Variants in GAS6 observed in about 807,000 individuals in gnomAD.
GAS6 encodes growth arrest-specific protein 6.
A neutral mutation model predicts 75.8 loss-of-function variants in GAS6; 41 were observed. That is an observed-to-expected ratio of 0.54 (90% CI 0.42 to 0.70). The LOEUF (loss-of-function observed/expected upper bound fraction) is 0.70. Among genes scored for constraint, GAS6 ranks in the 30% least tolerant of loss-of-function variants. The pLI, the probability that GAS6 is intolerant of heterozygous loss-of-function variation, is 0.00. For synonymous variants in GAS6, 432 were observed against 412.6 expected, an observed-to-expected ratio of 1.05 and a Z score of -0.57; for missense variants, 854 against 940.2, an observed-to-expected ratio of 0.91 and a Z score of 1.20.
rs144348019 is a variant in GAS6 at position 113,839,549 on chromosome 13, G to A, written c.466+179C>T. ...TCCTTCCAGCCCTGCTCCCAGAAAG[G>A]AGACTGCAGCTCCTCCCAATTCTCC... On this transcript the variant is annotated intron_variant, in intron 5 of 14. Transcript: ENST00000327773. 128 of 711,856 alleles carry A rather than the reference G, an allele frequency of 1.8e-4. No individual in the cohort carries two copies. The East Asian group carries it at 3.6e-3, about 20-fold the overall frequency. 44.1% of individuals were successfully genotyped at this position (711,856 alleles called of 1,614,324 possible).
chr13:113,851,580 G>T (rs141412669), intron 2 of GAS6, among the ~76,000 whole-genome samples: 268 of 150,616 alleles, frequency 1.8e-3, no homozygotes, highest in Middle Eastern at 3.4e-3. Context: ...TGGGTGAATG[G>T]GTGACTGGAT....
At chr13:113,861,566 T>G (rs550747799) in intron 2 of GAS6, among the ~76,000 whole-genome samples, 1 of 152,182 alleles carries the variant, frequency 6.6e-6, no homozygotes, top group South Asian at 2.1e-4. Context: ...TAGCAGGAAG[T>G]TGTGCTTGGA....
intron 2 of GAS6, among the ~76,000 whole-genome samples, chr13:113,852,040 A>G (rs566798318): frequency 6.6e-6 from 1 of 152,378 alleles, no homozygotes; most frequent in South Asian, 2.1e-4. Flanking sequence ...CCTCCTGGTC[A>G]GTGCAGGGCC....
chr13:113,846,724 C>T lies in GAS6; in HGVS notation c.281-135G>A, dbSNP rs59048860. 6,767 of 703,294 alleles carry T rather than the reference C, an allele frequency of 9.6e-3. 347 individuals carry two copies. The African/African-American group carries it at 0.11, about 11-fold the overall frequency. The allele number at this position is 703,294 out of a possible 1,614,324, so 43.6% of individuals were successfully genotyped here. The stretch of plus-strand genomic sequence containing the variant: ...TGCTATCATCCTCCAGAAACAATGC[C>T]GCTTAGCTTGTGTTAATAAAAAACA... On this transcript the variant is annotated intron_variant, in intron 3 of 14. Coordinates refer to ENST00000327773, the MANE Select transcript of GAS6 (RefSeq NM_000820.4).
At chr13:113,861,745 C>T (rs1056192906) in intron 2 of GAS6, among the ~76,000 whole-genome samples, 2 of 152,118 alleles carry the variant, frequency 1.3e-5, no homozygotes, top group Non-Finnish European at 2.9e-5. Flanking sequence ...ATCCACCTGC[C>T]GGCAGGAACC....
intron 4 of GAS6, among the ~76,000 whole-genome samples, 175 bp downstream of exon 4, chr13:113,846,352 C>T (rs2051833635): frequency 6.6e-6 from 1 of 152,214 alleles, no homozygotes; most frequent in Non-Finnish European, 1.5e-5. Context: ...TTGCTAAAAA[C>T]GTCAAAATTT....
intron 14 of GAS6, 134 bp from the exon 15 acceptor site, chr13:113,821,152 A>C: frequency 5.6e-6 from 5 of 894,666 alleles, no homozygotes; most frequent in African/African-American, 1.7e-5. Context: ...TTCTTCTCTA[A>C]CTTCTCGGTC....
intron 12 of GAS6, among the ~76,000 whole-genome samples, 172 bp from the exon 13 acceptor site, chr13:113,823,722 A>G (rs2051492487): frequency 6.6e-6 from 1 of 152,150 alleles, no homozygotes; most frequent in African/African-American, 2.4e-5. Context: ...CTTGGCCCGG[A>G]GCCCAGAGGC....
intron 2 of GAS6, among the ~76,000 whole-genome samples, chr13:113,857,655 C>T (rs892090273): frequency 6.6e-6 from 1 of 152,236 alleles, no homozygotes; most frequent in Non-Finnish European, 1.5e-5. Context: ...GCAAGCTTAA[C>T]GCCCCTTTAC....
At chr13:113,855,230 C>T (rs970774095) in intron 2 of GAS6, among the ~76,000 whole-genome samples, 1 of 152,210 alleles carries the variant, frequency 6.6e-6, no homozygotes, top group African/African-American at 2.4e-5. Flanking sequence ...GCCTTGGACC[C>T]AAGTTCACCT....
At position 113,839,851 on chromosome 13, in the gene GAS6, C is replaced by T. The variant is rs1276141086; in HGVS notation, c.344-1G>A. 3.7e-6 allele frequency: 6 copies of T among 1,613,616 alleles called. No individual in the cohort carries two copies. The highest frequency in any genetic ancestry group is 5.1e-6 in the Non-Finnish European group (6 of 1,179,934). On this transcript the variant is annotated splice_acceptor_variant, in intron 4 of 14. Transcript: ENST00000327773. LOFTEE classifies it high-confidence loss of function. ...TTGGGCGTGCACTGGTCAGGCAGGT[C>T]TGATTGGGGACACAAAGTGGAAAAT...
Position 113,838,085 on chromosome 13 carries a change from A to G in GAS6, c.573T>C (p.Asp191=), listed in dbSNP as rs766665715. 57 of 1,612,618 alleles carry G rather than the reference A, an allele frequency of 3.5e-5. No individual in the cohort carries two copies. The highest frequency in any genetic ancestry group is 4.5e-5 in the Non-Finnish European group (53 of 1,179,862). Residue 191 remains aspartate (D), a synonymous_variant, in exon 6 of 15, where the codon GAT becomes GAC. Coordinates refer to ENST00000327773, the MANE Select transcript of GAS6 (RefSeq NM_000820.4). ...SCHSGFELSS[D]GRTCQDIDEC... is the part of the protein sequence containing the mutation. ...GGGCCTTACCTTGGCAGGTCCTGCC[A>G]TCAGAGGAGAGCTCGAAGCCGCTGT...
intron 8 of GAS6, chr13:113,833,569 C>G: frequency 9.8e-7 from 1 of 1,017,628 alleles, no homozygotes; most frequent in Non-Finnish European, 1.2e-6. Context: ...GCATTCCTAC[C>G]GGTGTGACAG....
chr13:113,830,677 C>T (rs1421475727), intron 10 of GAS6, among the ~76,000 whole-genome samples: 2 of 112,332 alleles, frequency 1.8e-5, no homozygotes, highest in African/African-American at 4.2e-5. Flanking sequence ...CAGGCGACCT[C>T]GCCTCAGGCC....
chr13:113,824,944 C>A (rs866209561), intron 12 of GAS6, among the ~76,000 whole-genome samples: 3 of 152,164 alleles, frequency 2.0e-5, no homozygotes, highest in African/African-American at 7.2e-5. Flanking sequence ...CCCAGTCGGG[C>A]GTGGTGGCTC....
In GAS6 at chr13:113,848,162, GCCGCCCCAC is replaced by G; in HGVS notation, c.256-121_256-113del. ...AGGCTGCTCTCGGGGCAGCCAGAGG[GCCGCCCCAC>G]CCGGGGAACTGAGGGGAAGTGACCG... On this transcript the variant is annotated intron_variant, in intron 2 of 14. Transcript: ENST00000327773. The surrounding 1 kb of genome is among the most constrained non-coding windows in gnomAD (Gnocchi z 4.8). 1 of 1,155,680 alleles carries G rather than the reference GCCGCCCCAC, an allele frequency of 8.7e-7. No individual in the cohort carries two copies. The highest frequency in any genetic ancestry group is 1.3e-5 in the South Asian group (1 of 74,278). 71.6% of individuals were successfully genotyped at this position (1,155,680 alleles called of 1,614,324 possible).
At chr13:113,847,761 G>A (rs1363971647) in intron 3 of GAS6, 2 of 498,570 alleles carry the variant, frequency 4.0e-6, no homozygotes, top group African/African-American at 3.9e-5. Flanking sequence ...CTGACAAGGA[G>A]CTGAGCCTGG....
Position 113,848,759 on chromosome 13 carries a change from C to A in GAS6, c.256-709G>T, listed in dbSNP as rs2051852174. Reference sequence around the variant, plus strand: ...AGACCACAGTCATGGCAGAATAGTCCCAGCGGCCTCTCCATGCTGGGTATG... The same window carrying A: ...AGACCACAGTCATGGCAGAATAGTCACAGCGGCCTCTCCATGCTGGGTATG... On this transcript the variant is annotated intron_variant, in intron 2 of 14. Transcript: ENST00000327773. The surrounding 1 kb of genome is among the most constrained non-coding windows in gnomAD (Gnocchi z 4.8). Among the ~76,000 whole-genome samples the A allele has an allele frequency of 6.6e-6, 1 of 152,146 alleles. No homozygotes were observed. Among genetic ancestry groups the A allele is most frequent in the South Asian group, 2.1e-4 (1 of 4,816 alleles).
Position 113,863,820 on chromosome 13 carries a change from C to T in GAS6, c.88+13G>A, listed in dbSNP as rs1421457711. 1.1e-5 allele frequency: 15 copies of T among 1,366,194 alleles called. No homozygotes were observed. The highest frequency in any genetic ancestry group is 3.1e-5 in the African/African-American group (2 of 64,750). 84.6% of individuals were successfully genotyped at this position (1,366,194 alleles called of 1,614,324 possible). On this transcript the variant is annotated intron_variant, in intron 1 of 14. Transcript: ENST00000327773. This position sits in a 1 kb window ranked among gnomAD's most constrained non-coding sequence, Gnocchi z 9.4. Reference sequence around the variant, plus strand: ...GCCGCCCGGGGACGGGGTCTCGGGCCCGCGGGACTCACCAAGCGCGCACTC... The same window carrying T: ...GCCGCCCGGGGACGGGGTCTCGGGCTCGCGGGACTCACCAAGCGCGCACTC...
Sources: allele counts gnomAD v4.1 joint callset (sites outside exome capture counted in the v4.1 genomes callset), GRCh38; gene constraint gnomAD v4.1.1; non-coding constraint Gnocchi (gnomAD v3.1); transcripts MANE v1.5; gene names NCBI Gene and HGNC (gene_info 2026-07-23, HGNC 2026-07-21).